The following ZDHHC4 variants were observed in gnomAD, a reference collection of about 807,000 sequenced individuals.
ZDHHC4 encodes the protein zDHHC palmitoyltransferase 4, also known as palmitoyltransferase ZDHHC4.
Under a neutral mutation model 36.7 loss-of-function variants are expected in ZDHHC4, and 42 were observed. That is an observed-to-expected ratio of 1.14 (90% CI 0.89 to 1.48). ZDHHC4 has a LOEUF of 1.48. ZDHHC4 is among the 40% of genes most tolerant of loss of function. The probability of loss-of-function intolerance (pLI) is 0.00; values close to 1 mark genes in which losing one functional copy is unlikely to be tolerated. For missense variants in ZDHHC4, 457 were observed against 421.5 expected, an observed-to-expected ratio of 1.08 and a Z score of -0.74; for synonymous variants, 189 against 166.6, an observed-to-expected ratio of 1.13 and a Z score of -1.03.
rs753171268 is a variant in ZDHHC4, at chr7:6,585,078, G to C, written c.559G>C (p.Gly187Arg). ...HHCVWVNNCI[G>R]AWNIRYFLIY... ...CTGTGTTTGGGTGAACAACTGCATC[G>C]GGGCCTGGAACATCAGGTACTTCCT... The change falls in exon 7 of 8, where the codon GGG becomes CGG. Residue 187 changes from glycine to arginine, a missense_variant. Transcript: ENST00000335965. 6.2e-7 allele frequency: 1 copy of C among 1,614,074 alleles called. No homozygotes were observed. Among genetic ancestry groups the C allele is most frequent in the Non-Finnish European group, 8.5e-7 (1 of 1,180,020 alleles).
At chr7:6,584,694 C>G (rs771209928) in intron 6 of ZDHHC4, among the ~76,000 whole-genome samples, 1 of 152,132 alleles carries the variant, frequency 6.6e-6, no homozygotes, top group African/African-American at 2.4e-5. Flanking sequence ...AGTGCTGTGA[C>G]GTGATCATAG....
intron 1 of ZDHHC4, among the ~76,000 whole-genome samples, chr7:6,578,087 C>T (rs945664874): frequency 3.3e-5 from 5 of 152,250 alleles, no homozygotes; most frequent in Middle Eastern, 3.4e-3. Flanking sequence ...GCCTCGGCCT[C>T]CCAAAGTGCT....
In ZDHHC4 at chr7:6,583,451, C is replaced by T. The variant is rs1304213045; in HGVS notation, c.496+20C>T. 1 of 1,595,074 alleles carries T rather than the reference C, an allele frequency of 6.3e-7. No individual in the cohort carries two copies. The highest frequency in any genetic ancestry group is 1.3e-5 in the African/African-American group (1 of 74,254). On this transcript the variant is annotated intron_variant, in intron 6 of 7. Coordinates refer to ENST00000335965, the MANE Select transcript of ZDHHC4 (RefSeq NM_001134389.2). ...ACTGCAGTGAGTGTGGCTCTCGTGA[C>T]TCCAGCGGCACCTCCAACAGCACAT...
intron 6 of ZDHHC4, chr7:6,584,332 G>C (rs1436156842): frequency 6.6e-6 from 1 of 152,106 alleles, no homozygotes; most frequent in African/African-American, 2.4e-5. Context: ...AAAATGTACA[G>C]TTGAAAAAGT....
chr7:6,585,767 C>T (rs1159722741), intron 7 of ZDHHC4, among the ~76,000 whole-genome samples: 2 of 152,244 alleles, frequency 1.3e-5, no homozygotes, highest in East Asian at 3.9e-4. Context: ...GATTGCACCA[C>T]TGCACTCCAG....
At chr7:6,583,473 ACAT>A (rs1781014089) in intron 6 of ZDHHC4, 42 bp downstream of exon 6, 2 of 1,582,276 alleles carry the variant, frequency 1.3e-6, no homozygotes, top group Non-Finnish European at 1.7e-6. Flanking sequence ...CTCCAACAGC[ACAT>A]GTGTGGGCTT....
intron 2 of ZDHHC4, 33 bp from the exon 3 acceptor site, chr7:6,580,516 TCAGTAG>T (rs750626385): frequency 3.2e-6 from 5 of 1,551,012 alleles, no homozygotes; most frequent in Middle Eastern, 3.4e-4. Context: ...AAGAAACCTT[TCAGTAG>T]CAGATAGTCA....
At position 6,589,101 on chromosome 7, in the gene ZDHHC4, C is replaced by T. The variant is rs888634619; in HGVS notation, c.*191C>T. On this transcript the variant is annotated 3_prime_UTR_variant, in exon 8 of 8. Transcript: ENST00000335965. ...CTTGTCTTCTTTTGAAACCGGGCAT[C>T]TCTGAAGTCCTGGTGTCAAGGGGAT... The T allele has an allele frequency of 1.5e-6, 1 of 647,262 alleles. No homozygotes were observed. The highest frequency in any genetic ancestry group is 1.8e-5 in the African/African-American group (1 of 54,798). The allele number at this position is 647,262 out of a possible 1,614,324, so 40.1% of individuals were successfully genotyped here.
At chr7:6,579,010 A>G (rs944739294) in intron 2 of ZDHHC4, among the ~76,000 whole-genome samples, 12 of 151,864 alleles carry the variant, frequency 7.9e-5, no homozygotes, top group African/African-American at 2.7e-4. Flanking sequence ...TTTTGTAGAG[A>G]TGGGGGTCTC....
Position 6,585,033 on chromosome 7 carries a change from G to A in ZDHHC4, c.514G>A (p.Val172Met), listed in dbSNP as rs746696754. Residue 172 changes from valine to methionine, a missense_variant, in exon 7 of 8, where the codon GTG (valine) becomes ATG (methionine). By Grantham distance (21) the Val-to-Met change is conservative. Transcript: ENST00000335965. Reference sequence around the variant, plus strand: ...CTGTGCAGGTGTGTGTAACTGGTGTGTGCACCGTTTCGACCATCACTGTGT... The same window carrying A: ...CTGTGCAGGTGTGTGTAACTGGTGTATGCACCGTTTCGACCATCACTGTGT... Reference protein sequence around the residue: ...SKHCSVCNWCVHRFDHHCVWV... With the variant: ...SKHCSVCNWCMHRFDHHCVWV... 1.2e-6 allele frequency: 2 copies of A among 1,614,166 alleles called. No homozygotes were observed. The highest frequency in any genetic ancestry group is 8.5e-7 in the Non-Finnish European group (1 of 1,180,024).
intron 7 of ZDHHC4, among the ~76,000 whole-genome samples, chr7:6,586,091 T>G (rs915303497): frequency 8.6e-5 from 13 of 151,748 alleles, no homozygotes; most frequent in Admixed American, 5.9e-4. Flanking sequence ...AGGCGGAGGT[T>G]GCAGTGAGCC....
In ZDHHC4 at chr7:6,583,370, T is replaced by C; in HGVS notation, c.435T>C (p.Phe145=). The change falls in exon 6 of 8, where the codon TTT becomes TTC. Residue 145 remains phenylalanine (F), a synonymous_variant. Coordinates refer to ENST00000335965, the MANE Select transcript of ZDHHC4 (RefSeq NM_001134389.2). ...LHVYEFDEVM[F]PKNVRCSTCD... ...TTTATGAATTTGATGAAGTGATGTT[T>C]CCAAAGAACGTGAGGTGCTCTACTT... 6.2e-7 allele frequency: 1 copy of C among 1,614,028 alleles called. No individual in the cohort carries two copies. The highest frequency in any genetic ancestry group is 8.5e-7 in the Non-Finnish European group (1 of 1,179,968).
chr7:6,584,063 G>A (rs145159710), intron 6 of ZDHHC4: 12 of 151,686 alleles, frequency 7.9e-5, no homozygotes, highest in African/African-American at 2.9e-4. Flanking sequence ...AAAAAAAAAG[G>A]CCATGAATAG....
At chr7:6,581,821 T>C (rs1474653914) in intron 4 of ZDHHC4, 141 bp downstream of exon 4, 4 of 791,854 alleles carry the variant, frequency 5.1e-6, no homozygotes, top group East Asian at 5.4e-5. Flanking sequence ...GAGTCCTGAG[T>C]TGGGAGCCTC....
chr7:6,584,771 A>G (rs1013148559), intron 6 of ZDHHC4: 1 of 522,490 alleles, frequency 1.9e-6, no homozygotes, highest in Non-Finnish European at 3.4e-6. Context: ...AGCTGGGACC[A>G]TGGGTGCATG....
In ZDHHC4 at chr7:6,582,079, C is replaced by T. The variant is rs574200190; in HGVS notation, c.198C>T (p.His66=). The change falls in exon 5 of 8, where the codon CAC becomes CAT. Residue 66 remains histidine, a synonymous_variant. Transcript: ENST00000335965. Reference sequence around the variant, plus strand: ...CATGCCTGTTTTCTTTCAGAAACCACACCTTCATTGTCCTGCACCTGGTCT... The same window carrying T: ...CATGCCTGTTTTCTTTCAGAAACCATACCTTCATTGTCCTGCACCTGGTCT... The part of the protein sequence containing the change: ...LLHYLFHTRN[H]TFIVLHLVLQ... The T allele has an allele frequency of 1.9e-6, 3 of 1,611,282 alleles. No individual in the cohort carries two copies. The Admixed American group carries it at 5.0e-5, about 27-fold the overall frequency.
chr7:6,585,928 A>T (rs2115186174), intron 7 of ZDHHC4, among the ~76,000 whole-genome samples: 1 of 152,292 alleles, frequency 6.6e-6, no homozygotes, highest in East Asian at 1.9e-4. Context: ...AGGTGGGTGG[A>T]TCACCTGAGG....
chr7:6,585,736 G>A (rs1477803495), intron 7 of ZDHHC4, among the ~76,000 whole-genome samples: 2 of 135,290 alleles, frequency 1.5e-5, no homozygotes, highest in African/African-American at 5.1e-5. Flanking sequence ...AACCCGGGAG[G>A]GAGAGGTTGC....
Position 6,583,073 on chromosome 7 carries a change from A to G in ZDHHC4, c.371-233A>G, listed in dbSNP as rs952466686. Reference sequence around the variant, plus strand: ...ACGCCTGTAATCCCAGCTACTACTCAGGAGGCTTACGTGGGAGAATCACCT... The same window carrying G: ...ACGCCTGTAATCCCAGCTACTACTCGGGAGGCTTACGTGGGAGAATCACCT... On this transcript the variant is annotated intron_variant, in intron 5 of 7. Transcript: ENST00000335965. 2.0e-5 allele frequency among the ~76,000 whole-genome samples: 3 copies of G among 152,106 alleles called. No homozygotes were observed. In the East Asian group the frequency reaches 5.8e-4, roughly 29 times the overall value.
Sources: gnomAD v4.1 joint callset for allele counts (sites outside exome capture counted in the v4.1 genomes callset) on GRCh38, gnomAD v4.1.1 for gene constraint, MANE v1.5 for transcripts, NCBI Gene and HGNC (gene_info 2026-07-23, HGNC 2026-07-21) for gene names.